The following MAST2 variants were observed in gnomAD, a reference collection of about 807,000 sequenced individuals.
The protein encoded by MAST2 is microtubule-associated serine/threonine-protein kinase 2.
In MAST2, 70 loss-of-function variants were observed where a neutral mutation model predicts 147.4. That is an observed-to-expected ratio of 0.47 (90% CI 0.39 to 0.58). The LOEUF (loss-of-function observed/expected upper bound fraction) is 0.58, where lower values mean the gene tolerates loss of function less well. Ranked by LOEUF, MAST2 falls within the 20% of genes least tolerant of loss-of-function variation. The probability of loss-of-function intolerance (pLI) is 0.00; values close to 1 mark genes in which losing one functional copy is unlikely to be tolerated. For missense variants in MAST2, 2,080 were observed against 2,302.3 expected, an observed-to-expected ratio of 0.90 and a Z score of 1.98; for synonymous variants, 869 against 896.8, an observed-to-expected ratio of 0.97 and a Z score of 0.55.
At chr1:45,953,146 A>G (rs1557956278) in intron 4 of MAST2, among the ~76,000 whole-genome samples, 1 of 152,172 alleles carries the variant, frequency 6.6e-6, no homozygotes, top group African/African-American at 2.4e-5. Flanking sequence ...AAGAACACCT[A>G]TTAAACCTTG....
intron 5 of MAST2, among the ~76,000 whole-genome samples, chr1:45,979,944 G>A (rs185381791): frequency 3.3e-5 from 5 of 152,296 alleles, no homozygotes; most frequent in Admixed American, 2.6e-4. Context: ...AATACTGCAT[G>A]TTCTCCCTTA....
chr1:45,959,526 T>C, intron 5 of MAST2, 49 bp downstream of exon 5: 1 of 1,474,984 alleles, frequency 6.8e-7, no homozygotes, highest in Non-Finnish European at 9.4e-7. Flanking sequence ...TGGCCACAGA[T>C]GCCCAATTTC....
At chr1:45,976,872 A>T (rs1237695884) in intron 5 of MAST2, among the ~76,000 whole-genome samples, 2 of 152,218 alleles carry the variant, frequency 1.3e-5, no homozygotes, top group East Asian at 3.8e-4. Context: ...AACTTAGATA[A>T]GGAATACTAA....
At chr1:45,927,798 T>C (rs1654640273) in intron 4 of MAST2, among the ~76,000 whole-genome samples, 1 of 152,222 alleles carries the variant, frequency 6.6e-6, no homozygotes, top group Admixed American at 6.5e-5. Context: ...GGGGTATTGA[T>C]TGGGGAAGTG....
intron 5 of MAST2, among the ~76,000 whole-genome samples, chr1:45,964,179 T>G (rs2148940822): frequency 6.6e-6 from 1 of 152,344 alleles, no homozygotes; most frequent in Non-Finnish European, 1.5e-5. Context: ...AAAATTCTCT[T>G]TTTTTGTTGT....
chr1:45,834,035 A>G lies in MAST2; in HGVS notation c.468+4454A>G, dbSNP rs1049279059. Among the ~76,000 whole-genome samples, 21 of 152,312 alleles carry G rather than the reference A, an allele frequency of 1.4e-4. No individual in the cohort carries two copies. In the East Asian group the frequency reaches 3.9e-3, roughly 28 times the overall value. On this transcript the variant is annotated intron_variant, in intron 3 of 28. Transcript: ENST00000361297. ...CTGCTTTGACCACCCATACTGGAAT[A>G]AACCTCAGTGTCTACCCTGCTTCTG...
chr1:45,965,261 T>G (rs937153526), intron 5 of MAST2, among the ~76,000 whole-genome samples: 3 of 152,202 alleles, frequency 2.0e-5, no homozygotes, highest in Admixed American at 1.3e-4. Flanking sequence ...TGAATTCATT[T>G]CCTGGATATC....
intron 4 of MAST2, among the ~76,000 whole-genome samples, chr1:45,945,958 GA>G (rs1657970715): frequency 6.6e-6 from 1 of 152,148 alleles, no homozygotes; most frequent in Non-Finnish European, 1.5e-5. Context: ...ACTCCATTCA[GA>G]GAAAAAAATC....
At chr1:45,935,026 C>G (rs781073500) in intron 4 of MAST2, among the ~76,000 whole-genome samples, 9 of 152,154 alleles carry the variant, frequency 5.9e-5, no homozygotes, top group Non-Finnish European at 8.8e-5. Context: ...CAATAATGTA[C>G]AAGAATTTCC....
chr1:45,864,727 T>C (rs1310185300), intron 3 of MAST2, among the ~76,000 whole-genome samples: 1 of 152,232 alleles, frequency 6.6e-6, no homozygotes, highest in Non-Finnish European at 1.5e-5. Flanking sequence ...TTGTTTTGTT[T>C]GCTAAACCTT....
At chr1:45,861,456 T>G (rs1171616192) in intron 3 of MAST2, among the ~76,000 whole-genome samples, 1 of 152,160 alleles carries the variant, frequency 6.6e-6, no homozygotes, top group Non-Finnish European at 1.5e-5. Context: ...ATTTCCTTGC[T>G]CTGCTGATTT....
At chr1:45,847,052 C>T in intron 3 of MAST2, 1 of 403,516 alleles carries the variant, frequency 2.5e-6, no homozygotes, top group Non-Finnish European at 5.1e-6. Context: ...GTTCCAATTC[C>T]ACTAAATCTT....
rs1394986925 is a variant in MAST2 at position 46,035,365 on chromosome 1, A to C, written c.4696A>C (p.Ile1566Leu). 6.2e-6 allele frequency: 10 copies of C among 1,613,220 alleles called. No individual in the cohort carries two copies. Among genetic ancestry groups the C allele is most frequent in the Non-Finnish European group, 8.5e-6 (10 of 1,179,750 alleles). ...GPMVPSLLTG[I>L]TLGPPRMESP... is the part of the protein sequence containing the mutation. ...AATGGTCCCAAGCCTATTGACAGGG[A>C]TCACACTGGGGCCTCCCAGAATGGA... is the stretch of plus-strand genomic sequence containing the variant. Residue 1566 changes from isoleucine to leucine, a missense_variant, in exon 29 of 29, where the codon ATC becomes CTC. By Grantham distance (5) the Ile-to-Leu change is conservative. Coordinates refer to ENST00000361297, the MANE Select transcript of MAST2 (RefSeq NM_015112.3). This position sits in a 1 kb window ranked among gnomAD's most constrained non-coding sequence, Gnocchi z 5.5.
chr1:45,805,587 G>A (rs2148618939), intron 1 of MAST2, among the ~76,000 whole-genome samples: 1 of 152,290 alleles, frequency 6.6e-6, no homozygotes, highest in African/African-American at 2.4e-5. Flanking sequence ...TCCTGTCTCA[G>A]TTTACCTGTC....
At chr1:45,881,459 G>A (rs772726532) in intron 3 of MAST2, among the ~76,000 whole-genome samples, 25 of 152,188 alleles carry the variant, frequency 1.6e-4, no homozygotes, top group African/African-American at 2.9e-4. Flanking sequence ...CCAAAAACAC[G>A]TATTGAAAAT....
rs756006143 is a variant in MAST2 at position 45,959,492 on chromosome 1, G to A, written c.592+15G>A. ...TGGCCACACAGGTGAGTGCTTGAAGGTTAAGAAAGGTTGAATGAAAGAGTG... is the reference window on the plus strand; with the variant it reads ...TGGCCACACAGGTGAGTGCTTGAAGATTAAGAAAGGTTGAATGAAAGAGTG... On this transcript the variant is annotated intron_variant, in intron 5 of 28. Coordinates refer to ENST00000361297, the MANE Select transcript of MAST2 (RefSeq NM_015112.3). 8 of 1,607,846 alleles carry A rather than the reference G, an allele frequency of 5.0e-6. No homozygotes were observed. In the African/African-American group the frequency reaches 5.4e-5, roughly 11 times the overall value.
rs988223538 is a variant in MAST2, at chr1:45,951,257, G to T, written c.501-8129G>T. 3.9e-5 allele frequency among the ~76,000 whole-genome samples: 6 copies of T among 152,062 alleles called. No individual in the cohort carries two copies. In the South Asian group the frequency reaches 1.2e-3, roughly 32 times the overall value. On this transcript the variant is annotated intron_variant, in intron 4 of 28. Coordinates refer to ENST00000361297, the MANE Select transcript of MAST2 (RefSeq NM_015112.3). ...CAAAGTAACATTAGAGATTAAGACT[G>T]TAAGATTAGTATATTTAAAATTATT... is the stretch of plus-strand genomic sequence containing the variant.
chr1:46,024,152 C>T (rs1412943185), intron 15 of MAST2, 172 bp downstream of exon 15: 1 of 633,616 alleles, frequency 1.6e-6, no homozygotes, highest in Non-Finnish European at 2.8e-6. Flanking sequence ...CCACAGTGGG[C>T]ACAAAGCTCC....
intron 1 of MAST2, among the ~76,000 whole-genome samples, chr1:45,806,847 G>C (rs1644157487): frequency 6.6e-6 from 1 of 152,182 alleles, no homozygotes; most frequent in Admixed American, 6.5e-5. Flanking sequence ...AAAGTGCTGG[G>C]ATTACAGGCG....
Sources: allele counts gnomAD v4.1 joint callset (sites outside exome capture counted in the v4.1 genomes callset), GRCh38; gene constraint gnomAD v4.1.1; non-coding constraint Gnocchi (gnomAD v3.1); transcripts MANE v1.5; gene names NCBI Gene and HGNC (gene_info 2026-07-23, HGNC 2026-07-21).